TEX11: variants seen among roughly 807,000 people sequenced by gnomAD.
The protein encoded by TEX11 is testis-expressed protein 11.
Under a neutral mutation model 84.4 loss-of-function variants are expected in TEX11, and 7 were observed. The ratio of observed to expected loss-of-function variants is 0.08; its 90% CI spans 0.05 to 0.16. TEX11 has a LOEUF of 0.16. TEX11 is among the 10% of genes least tolerant of loss of function. The pLI, the probability that TEX11 is intolerant of heterozygous loss-of-function variation, is 1.00. For missense variants in TEX11, 551 were observed against 660.5 expected (o/e 0.83, Z 1.82); for synonymous variants, 264 against 222.8 (o/e 1.18, Z -1.64).
chrX:70,543,212 TAAAAATTA>T (rs2088071861), intron 28 of TEX11, among the ~76,000 whole-genome samples: 1 of 110,530 alleles, frequency 9.0e-6, no homozygotes, highest in Admixed American at 9.5e-5. Context: ...AATAAATAAA[TAAAAATTA>T]AAAAATTAAA....
chrX:70,583,552 G>A (rs2088809613), intron 25 of TEX11, among the ~76,000 whole-genome samples: 2 of 112,084 alleles, frequency 1.8e-5, no homozygotes, highest in Non-Finnish European at 3.8e-5. Context: ...TTGCAACTGT[G>A]AATAGTGCTG....
rs750891289 is a variant in TEX11 at position 70,695,203 on chromosome X, T to C, written c.1005-12378A>G. On this transcript the variant is annotated intron_variant, in intron 13 of 29. Transcript: ENST00000374333. The stretch of plus-strand genomic sequence containing the variant: ...GCTCACAGCAGCTTTATTTGTAATG[T>C]CCTAAAACTGAAAACAATCAAAATG... 2.7e-5 allele frequency among the ~76,000 whole-genome samples: 3 copies of C among 112,261 alleles called. No homozygotes were observed. The South Asian group carries it at 1.1e-3, about 42-fold the overall frequency.
the TEX11 span, among the ~76,000 whole-genome samples, chrX:70,521,044 G>A: frequency 9.0e-6 from 1 of 111,492 alleles, no homozygotes; most frequent in Non-Finnish European, 1.9e-5. Flanking sequence ...AGTCTGTCAC[G>A]GCTTCCCTTG....
intron 16 of TEX11, among the ~76,000 whole-genome samples, chrX:70,654,050 T>C (rs767909452): frequency 8.9e-6 from 1 of 111,888 alleles, no homozygotes; most frequent in African/African-American, 3.2e-5. Context: ...AAGGGATGAA[T>C]AGTTGAACCA....
chrX:70,738,983 G>C (rs2090715922), intron 11 of TEX11, among the ~76,000 whole-genome samples: 1 of 110,776 alleles, frequency 9.0e-6, no homozygotes, highest in African/African-American at 3.3e-5. Flanking sequence ...AGAGGATTAG[G>C]ACAAATACCT....
intron 9 of TEX11, among the ~76,000 whole-genome samples, chrX:70,803,329 T>G (rs2091200168): frequency 9.0e-6 from 1 of 111,720 alleles, no homozygotes; most frequent in Non-Finnish European, 1.9e-5. Flanking sequence ...TTACAGCAGC[T>G]TTCTCTTAAC....
At chrX:70,642,146 T>G (rs1274479729) in intron 17 of TEX11, among the ~76,000 whole-genome samples, 1 of 111,518 alleles carries the variant, frequency 9.0e-6, no homozygotes, top group Admixed American at 9.5e-5. Flanking sequence ...AACACCTCTA[T>G]GCAAATAAAC....
chrX:70,766,178 G>A (rs761538531), intron 9 of TEX11, among the ~76,000 whole-genome samples: 6 of 111,843 alleles, frequency 5.4e-5, no homozygotes, highest in African/African-American at 1.6e-4. Context: ...TTGGGAGGCT[G>A]AGGAAGGCAG....
chrX:70,692,580 A>G (rs1164153510), intron 13 of TEX11, among the ~76,000 whole-genome samples: 1 of 110,511 alleles, frequency 9.0e-6, no homozygotes, highest in Non-Finnish European at 1.9e-5. Flanking sequence ...AGGTTCATCC[A>G]TGCTGTCACA....
intron 2 of TEX11, among the ~76,000 whole-genome samples, chrX:70,898,993 G>A (rs776125320): frequency 1.4e-4 from 16 of 112,164 alleles, no homozygotes; most frequent in African/African-American, 4.8e-4. Flanking sequence ...TGTACAGGCT[G>A]TAAAATAAGT....
chrX:70,642,205 C>T (rs1386719992), intron 17 of TEX11, among the ~76,000 whole-genome samples: 1 of 111,667 alleles, frequency 9.0e-6, no homozygotes, highest in Non-Finnish European at 1.9e-5. Context: ...TACACTCTTC[C>T]AAGACTAAAC....
intron 9 of TEX11, among the ~76,000 whole-genome samples, chrX:70,762,168 T>C (rs769790898): frequency 8.9e-6 from 1 of 111,767 alleles, no homozygotes; most frequent in Non-Finnish European, 1.9e-5. Flanking sequence ...AGAGAGTACT[T>C]CAATCAGAAA....
At chrX:70,730,154 A>G (rs1328866044) in intron 11 of TEX11, among the ~76,000 whole-genome samples, 5 of 112,018 alleles carry the variant, frequency 4.5e-5, no homozygotes, top group Admixed American at 2.9e-4. Context: ...AGCTCCTGAA[A>G]GAAGCACTAA....
intron 8 of TEX11, among the ~76,000 whole-genome samples, chrX:70,822,772 G>A (rs968284913): frequency 9.0e-6 from 1 of 111,560 alleles, no homozygotes; most frequent in African/African-American, 3.3e-5. Flanking sequence ...AGAAGGCAAA[G>A]AGAAGCTAGC....
At chrX:70,572,615 T>A (rs1275486760) in intron 25 of TEX11, among the ~76,000 whole-genome samples, 3 of 110,305 alleles carry the variant, frequency 2.7e-5, no homozygotes, top group Non-Finnish European at 5.7e-5. Flanking sequence ...TGTCCAACAA[T>A]GATAGACTGG....
At chrX:70,771,048 G>A (rs1218702497) in intron 9 of TEX11, among the ~76,000 whole-genome samples, 5 of 111,740 alleles carry the variant, frequency 4.5e-5, no homozygotes, top group East Asian at 2.8e-4. Flanking sequence ...CTACACAATC[G>A]TTTACTAACA....
intron 5 of TEX11, among the ~76,000 whole-genome samples, chrX:70,858,435 C>T (rs1412292326): frequency 1.1e-5 from 1 of 93,217 alleles, no homozygotes; most frequent in African/African-American, 4.6e-5. Flanking sequence ...GAGTGAGACT[C>T]CATCTCAAGA....
At chrX:70,635,257 C>T (rs183802147) in intron 17 of TEX11, among the ~76,000 whole-genome samples, 28 of 112,377 alleles carry the variant, frequency 2.5e-4, no homozygotes, top group African/African-American at 9.0e-4. Context: ...GACAGATATC[C>T]TCCACTTAGG....
intron 13 of TEX11, among the ~76,000 whole-genome samples, chrX:70,702,893 A>T (rs955543941): frequency 4.5e-5 from 5 of 111,710 alleles, no homozygotes; most frequent in African/African-American, 1.3e-4. Flanking sequence ...TTTGCAATAC[A>T]TATAACAGAC....
Sources: gnomAD v4.1 joint callset for allele counts (sites outside exome capture counted in the v4.1 genomes callset) on GRCh38, gnomAD v4.1.1 for gene constraint, MANE v1.5 for transcripts, NCBI Gene and HGNC (gene_info 2026-07-23, HGNC 2026-07-21) for gene names.